HCN1: variants seen among roughly 807,000 people sequenced by gnomAD.
The protein encoded by HCN1 is hyperpolarization activated cyclic nucleotide gated potassium channel 1, also known as potassium/sodium hyperpolarization-activated cyclic nucleotide-gated channel 1.
HCN1 carries 13 observed loss-of-function variants against 78.9 expected under a neutral mutation model. The ratio of observed to expected loss-of-function variants is 0.16; its 90% CI spans 0.11 to 0.26. HCN1 has a LOEUF of 0.26. Ranked by LOEUF, HCN1 falls within the 10% of genes least tolerant of loss-of-function variation. The pLI, the probability that HCN1 is intolerant of heterozygous loss-of-function variation, is 1.00. For synonymous variants in HCN1, 552 were observed against 455.5 expected, an observed-to-expected ratio of 1.21 and a Z score of -2.70; for missense variants, 810 against 1,154.3, an observed-to-expected ratio of 0.70 and a Z score of 4.32.
intron 2 of HCN1, among the ~76,000 whole-genome samples, chr5:45,547,639 A>G (rs373512138): frequency 2.6e-5 from 4 of 151,890 alleles, no homozygotes; most frequent in Non-Finnish European, 5.9e-5. Context: ...ATTAAAATGT[A>G]TCTCATTTGA....
At chr5:45,613,170 A>C in intron 2 of HCN1, among the ~76,000 whole-genome samples, 1 of 107,592 alleles carries the variant, frequency 9.3e-6, no homozygotes, top group Non-Finnish European at 1.8e-5. Context: ...CCACCCCACA[A>C]CAGTCCCCAG....
intron 5 of HCN1, among the ~76,000 whole-genome samples, chr5:45,306,108 G>C (rs1049713275): frequency 2.0e-5 from 3 of 152,074 alleles, no homozygotes; most frequent in East Asian, 3.9e-4. Flanking sequence ...CATGAAAATA[G>C]CTAGATGAGT....
chr5:45,413,387 C>G (rs1397988716), intron 3 of HCN1, among the ~76,000 whole-genome samples: 1 of 152,008 alleles, frequency 6.6e-6, no homozygotes, highest in Non-Finnish European at 1.5e-5. Flanking sequence ...TATTGATATT[C>G]TTTGTAAACC....
At chr5:45,659,224 C>T (rs1372765325) in intron 1 of HCN1, among the ~76,000 whole-genome samples, 1 of 145,714 alleles carries the variant, frequency 6.9e-6, no homozygotes, top group Admixed American at 6.9e-5. Context: ...GGTATTCTAA[C>T]AGACCTGCAG....
At chr5:45,364,507 C>A (rs1477091728) in intron 4 of HCN1, among the ~76,000 whole-genome samples, 1 of 151,964 alleles carries the variant, frequency 6.6e-6, no homozygotes, top group Non-Finnish European at 1.5e-5. Flanking sequence ...AAACATCTAC[C>A]CTTACAACAT....
At chr5:45,570,557 C>T (rs528036678) in intron 2 of HCN1, among the ~76,000 whole-genome samples, 4 of 152,198 alleles carry the variant, frequency 2.6e-5, no homozygotes, top group East Asian at 1.9e-4. Context: ...GACGCAGAAT[C>T]GGGAGCTAAA....
At chr5:45,302,497 C>A (rs1745647007) in intron 6 of HCN1, among the ~76,000 whole-genome samples, 1 of 151,982 alleles carries the variant, frequency 6.6e-6, no homozygotes, top group African/African-American at 2.4e-5. Flanking sequence ...ATTGGCAAAG[C>A]AAACAGGCAG....
intron 2 of HCN1, among the ~76,000 whole-genome samples, chr5:45,547,146 C>A (rs1201035082): frequency 6.6e-6 from 1 of 151,862 alleles, no homozygotes; most frequent in Admixed American, 6.6e-5. Flanking sequence ...TGAGTAAAAT[C>A]TAAATTGTTA....
At chr5:45,480,401 TA>T (rs1394747750) in intron 2 of HCN1, among the ~76,000 whole-genome samples, 2 of 152,194 alleles carry the variant, frequency 1.3e-5, no homozygotes, top group Non-Finnish European at 1.5e-5. Flanking sequence ...ACATATTTTT[TA>T]AATAACAATT....
intron 1 of HCN1, among the ~76,000 whole-genome samples, chr5:45,664,688 A>C (rs927994625): frequency 4.6e-5 from 7 of 152,010 alleles, no homozygotes; most frequent in Non-Finnish European, 7.3e-5. Context: ...GCCAAAAAAC[A>C]CATGAAAAAA....
chr5:45,636,260 T>C (rs1408770069), intron 2 of HCN1, among the ~76,000 whole-genome samples: 2 of 152,178 alleles, frequency 1.3e-5, no homozygotes, highest in Admixed American at 6.5e-5. Context: ...ATGCTTATTA[T>C]AAAACACTCT....
At chr5:45,567,676 C>G (rs892930507) in intron 2 of HCN1, among the ~76,000 whole-genome samples, 3 of 150,062 alleles carry the variant, frequency 2.0e-5, no homozygotes, top group Non-Finnish European at 4.4e-5. Flanking sequence ...AAAAAGTGCC[C>G]TTTGGAAAAT....
At chr5:45,525,397 A>G (rs1742716090) in intron 2 of HCN1, among the ~76,000 whole-genome samples, 1 of 151,938 alleles carries the variant, frequency 6.6e-6, no homozygotes, top group Non-Finnish European at 1.5e-5. Context: ...ATATACAAAG[A>G]AAAACTGGGT....
intron 1 of HCN1, among the ~76,000 whole-genome samples, chr5:45,665,757 A>G (rs1238730825): frequency 2.0e-5 from 3 of 152,088 alleles, no homozygotes; most frequent in East Asian, 1.9e-4. Flanking sequence ...AAAAGATTAA[A>G]AGAGAAATAC....
At chr5:45,369,251 T>A (rs1265881850) in intron 4 of HCN1, among the ~76,000 whole-genome samples, 8 of 152,086 alleles carry the variant, frequency 5.3e-5, no homozygotes, top group African/African-American at 1.4e-4. Flanking sequence ...ACAGCCCAGT[T>A]TACCATGAAT....
chr5:45,423,608 T>C (rs986389128), intron 3 of HCN1, among the ~76,000 whole-genome samples: 4 of 152,218 alleles, frequency 2.6e-5, no homozygotes, highest in Non-Finnish European at 5.9e-5. Flanking sequence ...CTCGTATTTT[T>C]TCTTCTTCTT....
intron 2 of HCN1, chr5:45,644,667 A>T (rs1745510921): frequency 6.5e-6 from 1 of 153,300 alleles, no homozygotes; most frequent in African/African-American, 2.4e-5. Flanking sequence ...CAATAAGCAA[A>T]ATTAATATGC....
At chr5:45,375,721 TATC>T (rs1283547158) in intron 4 of HCN1, among the ~76,000 whole-genome samples, 5 of 107,434 alleles carry the variant, frequency 4.7e-5, no homozygotes, top group African/African-American at 1.5e-4. Flanking sequence ...TTATATATAA[TATC>T]ATATTTTATG....
chr5:45,443,348 G>C (rs1242498164), intron 3 of HCN1, among the ~76,000 whole-genome samples: 2 of 151,944 alleles, frequency 1.3e-5, no homozygotes, highest in African/African-American at 4.8e-5. Context: ...TTTTAGGAAA[G>C]TAAATGAAAA....
Sources: allele counts gnomAD v4.1 joint callset (sites outside exome capture counted in the v4.1 genomes callset), GRCh38; gene constraint gnomAD v4.1.1; transcripts MANE v1.5; gene names NCBI Gene and HGNC (gene_info 2026-07-23, HGNC 2026-07-21).